SNX29: variants seen among roughly 807,000 people sequenced by gnomAD.
The protein encoded by SNX29 is sorting nexin 29, also known as sorting nexin-29.
In SNX29, 78 loss-of-function variants were observed where a neutral mutation model predicts 102.1. The ratio of observed to expected loss-of-function variants is 0.76; its 90% CI spans 0.64 to 0.92. The LOEUF (loss-of-function observed/expected upper bound fraction) is 0.92. Ranked by LOEUF, SNX29 falls within the 40% of genes least tolerant of loss-of-function variation. The pLI, the probability that SNX29 is intolerant of heterozygous loss-of-function variation, is 0.00. For synonymous variants in SNX29, 580 were observed against 414.5 expected, an observed-to-expected ratio of 1.40 and a Z score of -4.85; for missense variants, 1,280 against 1,061.7, an observed-to-expected ratio of 1.21 and a Z score of -2.86.
intron 20 of SNX29, among the ~76,000 whole-genome samples, chr16:12,550,803 CAAG>C (rs1194573896): frequency 9.2e-5 from 14 of 152,116 alleles, no homozygotes; most frequent in Admixed American, 3.9e-4. Flanking sequence ...AAGAGGGAGC[CAAG>C]AATATGTGTT....
At chr16:12,124,673 T>TC (rs1409808103) in intron 11 of SNX29, among the ~76,000 whole-genome samples, 2 of 152,224 alleles carry the variant, frequency 1.3e-5, no homozygotes, top group African/African-American at 4.8e-5. Flanking sequence ...GTGTCTTACT[T>TC]CCTAAATGGT....
chr16:12,107,362 G>A (rs1365407064), intron 11 of SNX29, among the ~76,000 whole-genome samples: 1 of 136,900 alleles, frequency 7.3e-6, no homozygotes, highest in African/African-American at 2.7e-5. Flanking sequence ...TTTTTAAAAC[G>A]TTTTTGCTTC....
At chr16:12,504,047 A>G (rs2089253226) in intron 19 of SNX29, among the ~76,000 whole-genome samples, 1 of 151,980 alleles carries the variant, frequency 6.6e-6, no homozygotes, top group African/African-American at 2.4e-5. Context: ...TAGTCACCCC[A>G]TCCTCTCCTG....
Position 12,031,784 on chromosome 16 carries a change from A to G in SNX29, c.247+4340A>G, listed in dbSNP as rs563362194. Among the ~76,000 whole-genome samples, 6 of 152,228 alleles carry G rather than the reference A, an allele frequency of 3.9e-5. No individual in the cohort carries two copies. The South Asian group carries it at 8.3e-4, about 21-fold the overall frequency. ...CGCGCCACTGCACTCCAGCCTGGGC[A>G]ACAGAGTGAGACTCCATCTCAAAAC... On this transcript the variant is annotated intron_variant, in intron 4 of 20. Coordinates refer to ENST00000566228, the MANE Select transcript of SNX29 (RefSeq NM_032167.5).
intron 20 of SNX29, among the ~76,000 whole-genome samples, chr16:12,561,733 G>A (rs1446061619): frequency 6.6e-6 from 1 of 152,202 alleles, no homozygotes; most frequent in African/African-American, 2.4e-5. Flanking sequence ...TAGCAGCAGG[G>A]AGGATGGAGA....
chr16:12,223,448 A>G (rs2077530203), intron 14 of SNX29, among the ~76,000 whole-genome samples: 1 of 152,080 alleles, frequency 6.6e-6, no homozygotes, highest in South Asian at 2.1e-4. Flanking sequence ...GATCACCTGA[A>G]GTCAGGAGTT....
At chr16:12,412,215 G>A (rs959293579) in intron 18 of SNX29, among the ~76,000 whole-genome samples, 74 of 152,282 alleles carry the variant, frequency 4.9e-4, no homozygotes, top group Non-Finnish European at 9.7e-4. Flanking sequence ...AGCAACCTAT[G>A]GGGTAGGCAC....
chr16:12,206,456 A>T (rs966649849), intron 14 of SNX29, among the ~76,000 whole-genome samples: 1 of 150,022 alleles, frequency 6.7e-6, no homozygotes, highest in Non-Finnish European at 1.5e-5. Context: ...TCCTCCTTCT[A>T]TGTCTGATTT....
intron 15 of SNX29, among the ~76,000 whole-genome samples, chr16:12,292,243 C>T (rs980960107): frequency 6.6e-6 from 1 of 152,042 alleles, no homozygotes; most frequent in African/African-American, 2.4e-5. Flanking sequence ...ACTGATAGAC[C>T]GTAGAGTGAG....
At chr16:12,312,730 T>C (rs2080600286) in intron 15 of SNX29, among the ~76,000 whole-genome samples, 1 of 151,980 alleles carries the variant, frequency 6.6e-6, no homozygotes, top group Non-Finnish European at 1.5e-5. Context: ...TTAAACAATT[T>C]ATAGGCCAAA....
intron 9 of SNX29, among the ~76,000 whole-genome samples, chr16:12,063,364 A>C (rs1379802148): frequency 2.3e-4 from 11 of 48,212 alleles, no homozygotes; most frequent in South Asian, 7.4e-4. Context: ...TTCCTAGTCC[A>C]TCTTTTTTTT....
intron 15 of SNX29, among the ~76,000 whole-genome samples, chr16:12,351,126 G>C (rs1159901012): frequency 6.6e-6 from 1 of 152,214 alleles, no homozygotes; most frequent in Non-Finnish European, 1.5e-5. Context: ...TCATTGGTAA[G>C]GAAAGCATGC....
intron 20 of SNX29, among the ~76,000 whole-genome samples, chr16:12,550,972 C>T (rs1477611366): frequency 6.6e-6 from 1 of 152,098 alleles, no homozygotes; most frequent in South Asian, 2.1e-4. Context: ...GCTTAGGGCA[C>T]AACAAAAAGC....
intron 1 of SNX29, among the ~76,000 whole-genome samples, chr16:11,986,059 G>A (rs560775996): frequency 6.6e-6 from 1 of 152,048 alleles, no homozygotes; most frequent in African/African-American, 2.4e-5. Flanking sequence ...CTGACCTCGG[G>A]CTCCCAGCGT....
chr16:12,544,890 G>T (rs1265840428), intron 20 of SNX29, among the ~76,000 whole-genome samples: 1 of 152,208 alleles, frequency 6.6e-6, no homozygotes, highest in African/African-American at 2.4e-5. Context: ...CCTGTGGTCA[G>T]TGGGCCAGTA....
chr16:12,564,951 A>AG (rs1491331383), intron 20 of SNX29, among the ~76,000 whole-genome samples: 1 of 132,610 alleles, frequency 7.5e-6, no homozygotes. Context: ...AAAAAAAAAA[A>AG]GGCTGTCATT....
intron 13 of SNX29, among the ~76,000 whole-genome samples, chr16:12,145,852 C>A (rs552140835): frequency 6.6e-6 from 1 of 152,084 alleles, no homozygotes; most frequent in African/African-American, 2.4e-5. Flanking sequence ...CCATTTTTTT[C>A]CCTTGTAGGA....
At chr16:12,036,462 G>T (rs932946730) in intron 4 of SNX29, among the ~76,000 whole-genome samples, 1 of 150,994 alleles carries the variant, frequency 6.6e-6, no homozygotes, top group Non-Finnish European at 1.5e-5. Context: ...TGCCTCCCAA[G>T]TAGCTGGGAC....
chr16:12,356,391 C>A, intron 16 of SNX29, 112 bp downstream of exon 16: 1 of 840,666 alleles, frequency 1.2e-6, no homozygotes, highest in Non-Finnish European at 1.9e-6. Context: ...GCCAGATTTG[C>A]CCACATTCAC....
Sources: allele counts gnomAD v4.1 joint callset (sites outside exome capture counted in the v4.1 genomes callset), GRCh38; gene constraint gnomAD v4.1.1; transcripts MANE v1.5; gene names NCBI Gene and HGNC (gene_info 2026-07-23, HGNC 2026-07-21).